The following STIM1 variants were observed in gnomAD, a reference collection of about 807,000 sequenced individuals.
STIM1 encodes stromal interaction molecule 1.
Under a neutral mutation model 74.7 loss-of-function variants are expected in STIM1, and 25 were observed. The observed-to-expected ratio is 0.33, with a 90% confidence interval of 0.24 to 0.47. STIM1 has a LOEUF of 0.47. STIM1 is among the 20% of genes least tolerant of loss of function. STIM1 has a pLI of 1.00. For synonymous variants in STIM1, 328 were observed against 348.8 expected, an observed-to-expected ratio of 0.94 and a Z score of 0.66; for missense variants, 728 against 920.8, an observed-to-expected ratio of 0.79 and a Z score of 2.71.
At chr11:3,932,377 AGAG>A (rs1477348242) in intron 1 of STIM1, among the ~76,000 whole-genome samples, 1 of 152,192 alleles carries the variant, frequency 6.6e-6, no homozygotes, top group East Asian at 1.9e-4. Context: ...AAGAGACCCC[AGAG>A]GGCTGGGTGT....
chr11:3,936,124 A>G (rs913023359), intron 1 of STIM1, among the ~76,000 whole-genome samples: 5 of 152,342 alleles, frequency 3.3e-5, no homozygotes, highest in South Asian at 2.1e-4. Flanking sequence ...GAACATTTTC[A>G]TCAGTAGGTA....
chr11:3,905,743 G>A (rs1172985913), intron 1 of STIM1, among the ~76,000 whole-genome samples: 3 of 152,212 alleles, frequency 2.0e-5, no homozygotes, highest in Non-Finnish European at 4.4e-5. Context: ...GTTAGTGGTG[G>A]AGCCAGTTTC....
chr11:4,035,850 G>C (rs1176136463), intron 3 of STIM1, among the ~76,000 whole-genome samples: 67 of 114,544 alleles, frequency 5.8e-4, no homozygotes, highest in Non-Finnish European at 9.9e-4. Flanking sequence ...TTGTTGTTTT[G>C]CTTTTTTTTT....
chr11:3,992,081 G>GCTTTTTTTTTTTTTTT lies in STIM1; in HGVS notation c.270+24399_270+24400insCTTTTTTTTTTTTTTT, dbSNP rs376329167. On this transcript the variant is annotated intron_variant, in intron 2 of 12. Coordinates refer to ENST00000526596, the MANE Select transcript of STIM1 (RefSeq NM_001382567.1). The stretch of plus-strand genomic sequence containing the variant: ...TTTCTCTGCAGCCTTGCCAACATCT[G>GCTTTTTTTTTTTTTTT]TTTTTTTGTTTTTTTTTTTTTTTTT... Among the ~76,000 whole-genome samples the GCTTTTTTTTTTTTTTT allele has an allele frequency of 1.1e-3, 100 of 91,950 alleles. 4 individuals are homozygous for GCTTTTTTTTTTTTTTT. The highest frequency in any genetic ancestry group is 1.6e-3 in the East Asian group (5 of 3,100). The allele number at this position is 91,950 out of a possible 152,430, so 60.3% of individuals were successfully genotyped here. A position where few individuals can be genotyped will look rare whatever the true frequency, so the allele number is the denominator to read the frequency against.
At position 4,024,237 on chromosome 11, in the gene STIM1, G is replaced by C. The variant is rs4910874; in HGVS notation, c.385+250G>C. On this transcript the variant is annotated intron_variant, in intron 3 of 12. Coordinates refer to ENST00000526596, the MANE Select transcript of STIM1 (RefSeq NM_001382567.1). ...ATTCTATCCTATTCCTACCCCTTTC[G>C]TCACCCACCTAACCCTGGCATAGGA... Among the ~76,000 whole-genome samples the C allele has an allele frequency of 0.81, 123,362 of 152,022 alleles. 51,977 individuals are homozygous for C. The highest frequency in any genetic ancestry group is 0.95 in the East Asian group (4,899 of 5,170).
At chr11:3,907,747 C>T (rs988416891) in intron 1 of STIM1, among the ~76,000 whole-genome samples, 6 of 152,174 alleles carry the variant, frequency 3.9e-5, no homozygotes, top group Non-Finnish European at 7.3e-5. Context: ...TATGACTTGG[C>T]TCCCAGTTAC....
chr11:4,019,501 C>A (rs2093935347), intron 2 of STIM1, among the ~76,000 whole-genome samples: 1 of 151,808 alleles, frequency 6.6e-6, no homozygotes, highest in Non-Finnish European at 1.5e-5. Flanking sequence ...TAGTGAGACA[C>A]CGTGTGTACA....
At chr11:4,012,825 A>G (rs1269672762) in intron 2 of STIM1, among the ~76,000 whole-genome samples, 2 of 152,180 alleles carry the variant, frequency 1.3e-5, no homozygotes, top group African/African-American at 4.8e-5. Context: ...GTATGTTTCC[A>G]GCTTTTGCCC....
intron 7 of STIM1, among the ~76,000 whole-genome samples, chr11:4,078,570 T>C (rs930754213): frequency 7.0e-6 from 1 of 142,400 alleles, no homozygotes; most frequent in Non-Finnish European, 1.5e-5. Flanking sequence ...AGGACTCTAC[T>C]TTTTTTTTTT....
intron 2 of STIM1, among the ~76,000 whole-genome samples, chr11:4,019,626 AAAC>A (rs1016567192): frequency 2.8e-4 from 42 of 152,266 alleles, no homozygotes; most frequent in African/African-American, 4.3e-4. Context: ...ACTGTCTCAA[AAAC>A]AACAACAACA....
rs2094526771 is a variant in STIM1, at chr11:4,091,760, T to A, written c.2113T>A (p.Phe705Ile). 1 of 1,610,420 alleles carries A rather than the reference T, an allele frequency of 6.2e-7. No individual in the cohort carries two copies. Among genetic ancestry groups the A allele is most frequent in the African/African-American group, 1.3e-5 (1 of 74,870 alleles). Residue 705 changes from phenylalanine to isoleucine, a missense_variant, in exon 13 of 13, where the codon TTT becomes ATT. Transcript: ENST00000526596. ...ETDSSPGRKK[F>I]PLKIFKKPLK... ...AGACTCCAGCCCAGGCCGGAAGAAG[T>A]TTCCCCTCAAAATCTTTAAGAAGCC...
chr11:4,020,245 T>C (rs2093943321), intron 2 of STIM1, among the ~76,000 whole-genome samples: 1 of 152,220 alleles, frequency 6.6e-6, no homozygotes, highest in South Asian at 2.1e-4. Flanking sequence ...TTGTGAATAG[T>C]GCTGCAATAA....
chr11:3,918,632 G>A (rs1408182320), intron 1 of STIM1, among the ~76,000 whole-genome samples: 4 of 152,108 alleles, frequency 2.6e-5, no homozygotes, highest in Admixed American at 2.6e-4. Flanking sequence ...TTTGGCTTGG[G>A]TCCTATGCCC....
chr11:3,990,804 TA>T (rs1267095584), intron 2 of STIM1, among the ~76,000 whole-genome samples: 2 of 152,214 alleles, frequency 1.3e-5, no homozygotes, highest in African/African-American at 4.8e-5. Flanking sequence ...TTTTATTATT[TA>T]AAAAAATTTC....
intron 2 of STIM1, among the ~76,000 whole-genome samples, chr11:4,012,787 A>G (rs1200574810): frequency 6.6e-6 from 1 of 152,204 alleles, no homozygotes; most frequent in Non-Finnish European, 1.5e-5. Context: ...GAGAGAGGGC[A>G]TCCTTGTCTT....
At chr11:4,088,933 T>A in intron 12 of STIM1, 1 of 566,486 alleles carries the variant, frequency 1.8e-6, no homozygotes, top group Admixed American at 2.7e-5. Flanking sequence ...GAGAGAGGCA[T>A]AGAAGGACAG....
chr11:3,981,798 A>C (rs893578027), intron 2 of STIM1, among the ~76,000 whole-genome samples: 1 of 152,202 alleles, frequency 6.6e-6, no homozygotes, highest in Non-Finnish European at 1.5e-5. Context: ...CTGTACTTAA[A>C]ATGATAGGAA....
At chr11:4,036,088 C>G (rs2094099304) in intron 3 of STIM1, among the ~76,000 whole-genome samples, 1 of 152,088 alleles carries the variant, frequency 6.6e-6, no homozygotes, top group East Asian at 1.9e-4. Context: ...CTCTCACTTG[C>G]AAGTGAGAAC....
In STIM1 at chr11:3,962,445, T is replaced by TGTG. The variant is rs2093296909; in HGVS notation, c.140-5107_140-5106insGTG. Among the ~76,000 whole-genome samples the TGTG allele has an allele frequency of 2.0e-5, 3 of 147,620 alleles. 1 individual carries two copies. The highest frequency in any genetic ancestry group is 6.8e-5 in the Admixed American group (1 of 14,728). ...ATTCTTCTTTTATGGCTGAGTAGTA[T>TGTG]TGTGTGTGTGTGTGTGTGTGTGTGT... On this transcript the variant is annotated intron_variant, in intron 1 of 12. Coordinates refer to ENST00000526596, the MANE Select transcript of STIM1 (RefSeq NM_001382567.1).
Sources: gnomAD v4.1 joint callset for allele counts (sites outside exome capture counted in the v4.1 genomes callset) on GRCh38, gnomAD v4.1.1 for gene constraint, MANE v1.5 for transcripts, NCBI Gene and HGNC (gene_info 2026-07-23, HGNC 2026-07-21) for gene names.